PLS1: variants seen among roughly 807,000 people sequenced by gnomAD.
The protein encoded by PLS1 is plastin-1.
In PLS1, 32 loss-of-function variants were observed where a neutral mutation model predicts 73.7. The ratio of observed to expected loss-of-function variants is 0.43; its 90% CI spans 0.33 to 0.58. PLS1 has a LOEUF of 0.58. PLS1 is among the 20% of genes least tolerant of loss of function. PLS1 has a pLI of 0.04. For synonymous variants in PLS1, 217 were observed against 261.3 expected (o/e 0.83, Z 1.63); for missense variants, 633 against 740.5 (o/e 0.85, Z 1.68).
intron 1 of PLS1, among the ~76,000 whole-genome samples, chr3:142,658,821 CT>C (rs1228602194): frequency 1.3e-5 from 2 of 152,144 alleles, no homozygotes. Flanking sequence ...GCTTGGTTTA[CT>C]GGTTATTCAC....
At chr3:142,627,796 CT>C (rs5853077) in intron 1 of PLS1, 95,234 of 144,594 alleles carry the variant, frequency 0.66, 32,296 homozygotes, top group East Asian at 0.9. Context: ...TTTTTTCAGA[CT>C]TTTTTTTTTT....
chr3:142,691,106 T>C (rs2038076474), intron 10 of PLS1, among the ~76,000 whole-genome samples: 1 of 152,142 alleles, frequency 6.6e-6, no homozygotes, highest in African/African-American at 2.4e-5. Context: ...TCATGATCTT[T>C]TTCTGCTTGA....
chr3:142,611,849 T>C (rs879024566), intron 1 of PLS1, among the ~76,000 whole-genome samples: 1 of 152,226 alleles, frequency 6.6e-6, no homozygotes, highest in Non-Finnish European at 1.5e-5. Flanking sequence ...CTATTTGTTT[T>C]AATTAAGCCT....
chr3:142,683,083 G>A (rs1216743752), intron 6 of PLS1, among the ~76,000 whole-genome samples: 2 of 152,190 alleles, frequency 1.3e-5, no homozygotes, highest in Non-Finnish European at 2.9e-5. Context: ...CACACTGTAG[G>A]AGGAAGCTGC....
intron 1 of PLS1, among the ~76,000 whole-genome samples, chr3:142,660,349 A>T (rs1386534907): frequency 6.6e-6 from 1 of 152,138 alleles, no homozygotes; most frequent in Non-Finnish European, 1.5e-5. Flanking sequence ...CTTAACTTAG[A>T]GGAGTCCCAT....
intron 1 of PLS1, among the ~76,000 whole-genome samples, chr3:142,650,759 G>A (rs147424463): frequency 6.6e-6 from 1 of 152,322 alleles, no homozygotes; most frequent in East Asian, 1.9e-4. Context: ...TACACTCGAA[G>A]TGTTAATACA....
At chr3:142,672,775 T>C (rs2037633043) in intron 4 of PLS1, among the ~76,000 whole-genome samples, 1 of 152,232 alleles carries the variant, frequency 6.6e-6, no homozygotes. Context: ...TATTGAGATA[T>C]AATTGACATA....
intron 6 of PLS1, among the ~76,000 whole-genome samples, chr3:142,681,604 G>A (rs1339216595): frequency 2.6e-5 from 4 of 152,150 alleles, no homozygotes; most frequent in Admixed American, 6.5e-5. Context: ...TGTGTCTCTT[G>A]TGTTGCCACC....
intron 1 of PLS1, among the ~76,000 whole-genome samples, chr3:142,617,580 T>C (rs2036237563): frequency 6.6e-6 from 1 of 152,170 alleles, no homozygotes; most frequent in African/African-American, 2.4e-5. Context: ...TCATTCAGAT[T>C]CCTAGGCCCC....
intron 1 of PLS1, among the ~76,000 whole-genome samples, chr3:142,597,892 G>A (rs1157047515): frequency 1.3e-5 from 2 of 152,106 alleles, no homozygotes; most frequent in Non-Finnish European, 2.9e-5. Flanking sequence ...AAGCTTCCTA[G>A]TACCTCATAA....
At chr3:142,606,732 C>G (rs560485626) in intron 1 of PLS1, among the ~76,000 whole-genome samples, 25 of 152,212 alleles carry the variant, frequency 1.6e-4, no homozygotes, top group African/African-American at 4.1e-4. Context: ...TTTCACTTAG[C>G]ACAATGATGT....
intron 9 of PLS1, among the ~76,000 whole-genome samples, chr3:142,687,204 T>A (rs539017606): frequency 6.9e-6 from 1 of 145,552 alleles, no homozygotes; most frequent in African/African-American, 2.6e-5. Flanking sequence ...ACACTAACAC[T>A]AACAATAGCT....
chr3:142,610,806 G>T (rs1441120766), intron 1 of PLS1, among the ~76,000 whole-genome samples: 1 of 152,108 alleles, frequency 6.6e-6, no homozygotes, highest in African/African-American at 2.4e-5. Flanking sequence ...CCACATATGA[G>T]GAGCCCCATC....
intron 1 of PLS1, among the ~76,000 whole-genome samples, chr3:142,653,878 A>ACTAT (rs2037158747): frequency 1.3e-5 from 2 of 152,254 alleles, no homozygotes; most frequent in African/African-American, 2.4e-5. Flanking sequence ...AGGCATTAAC[A>ACTAT]GTTGAACCTG....
chr3:142,645,817 T>C (rs1470429187), intron 1 of PLS1, among the ~76,000 whole-genome samples: 2 of 152,218 alleles, frequency 1.3e-5, no homozygotes, highest in Non-Finnish European at 2.9e-5. Flanking sequence ...TTGTGTCATT[T>C]TCACAAAGCT....
intron 1 of PLS1, among the ~76,000 whole-genome samples, chr3:142,620,301 A>T (rs918700520): frequency 1.3e-5 from 2 of 151,788 alleles, no homozygotes; most frequent in African/African-American, 2.4e-5. Flanking sequence ...ATTTTTTTGT[A>T]TTTGTAGTAC....
intron 1 of PLS1, among the ~76,000 whole-genome samples, chr3:142,628,405 A>G (rs2036480393): frequency 1.4e-5 from 2 of 145,638 alleles, no homozygotes; most frequent in Non-Finnish European, 3.0e-5. Context: ...GCATGTGTGC[A>G]TGCATATGTG....
Position 142,712,140 on chromosome 3 carries a change from A to G in PLS1, c.*133A>G, listed in dbSNP as rs1933158838. On this transcript the variant is annotated 3_prime_UTR_variant, in exon 16 of 16. Coordinates refer to ENST00000457734, the MANE Select transcript of PLS1 (RefSeq NM_001145319.2). ...TAGTTATATATTCATTAATGAATTC[A>G]ATATCCTGTTCATACTAGTTAGAGC... The G allele has an allele frequency of 2.5e-6, 2 of 815,100 alleles. No individual in the cohort carries two copies. The highest frequency in any genetic ancestry group is 3.9e-6 in the Non-Finnish European group (2 of 514,332). 50.5% of individuals were successfully genotyped at this position (815,100 alleles called of 1,614,324 possible).
intron 12 of PLS1, among the ~76,000 whole-genome samples, chr3:142,703,163 T>C (rs6440105): frequency 0.31 from 47,774 of 151,972 alleles, 9,746 homozygotes; most frequent in African/African-American, 0.59. Context: ...TTACTTTCTT[T>C]TCTATTTTTA....
Sources: allele counts gnomAD v4.1 joint callset (sites outside exome capture counted in the v4.1 genomes callset), GRCh38; gene constraint gnomAD v4.1.1; transcripts MANE v1.5; gene names NCBI Gene and HGNC (gene_info 2026-07-23, HGNC 2026-07-21).